The following USP17L22 variants were observed in gnomAD, a reference collection of about 807,000 sequenced individuals.
USP17L22 encodes ubiquitin specific peptidase 17 like family member 22, also known as ubiquitin carboxyl-terminal hydrolase 17-like protein 22.
For synonymous variants in USP17L22, 2 were observed against 19.3 expected (o/e 0.10, Z 2.35); for missense variants, 2 against 49.9 (o/e 0.04, Z 2.89).
In USP17L22 at chr4:9,268,644, A is replaced by G. The variant is rs1439866666; in HGVS notation, c.1026A>G (p.Gln342=). 217 of 490,772 alleles carry G rather than the reference A, an allele frequency of 4.4e-4. 28 individuals are homozygous for G. The African/African-American group carries it at 7.9e-3, about 18-fold the overall frequency. 30.4% of individuals were successfully genotyped at this position (490,772 alleles called of 1,614,324 possible). ...ATTACTTCTCTTATGTCAAAGCTCAAGAAGGCCAGTGGTATAAAATGGATG... is the reference window on the plus strand; with the variant it reads ...ATTACTTCTCTTATGTCAAAGCTCAGGAAGGCCAGTGGTATAAAATGGATG... ...NGHYFSYVKA[Q]EGQWYKMDDA... The change falls in exon 1 of 1, where the codon CAA becomes CAG. Residue 342 remains glutamine (Q), a synonymous_variant. Coordinates refer to ENST00000511280, the MANE Select transcript of USP17L22 (RefSeq NM_001256863.1).
In USP17L22 at chr4:9,268,842, C is replaced by G; in HGVS notation, c.1224C>G (p.Leu408=). 2 of 464,444 alleles carry G rather than the reference C, an allele frequency of 4.3e-6. No homozygotes were observed. The highest frequency in any genetic ancestry group is 4.7e-5 in the South Asian group (2 of 42,910). The allele number at this position is 464,444 out of a possible 1,614,324, so 28.8% of individuals were successfully genotyped here. A position where few individuals can be genotyped will look rare whatever the true frequency, so the allele number is the denominator to read the frequency against. Reference sequence around the variant, plus strand: ...ACAGGCGAGCAACGCAAGGAGAGCTCAAGAGAGACCACCCCTGCCTCCAGG... The same window carrying G: ...ACAGGCGAGCAACGCAAGGAGAGCTGAAGAGAGACCACCCCTGCCTCCAGG... ...DTDRRATQGE[L]KRDHPCLQAP... Residue 408 remains leucine (L), a synonymous_variant, in exon 1 of 1, where the codon CTC becomes CTG. Transcript: ENST00000511280.
chr4:9,268,638 AG>A lies in USP17L22; in HGVS notation c.1021del (p.Ala341LeufsTer23). ...ACGGACATTACTTCTCTTATGTCAAAGCTCAAGAAGGCCAGTGGTATAAAAT... is the reference window on the plus strand; with the variant it reads ...ACGGACATTACTTCTCTTATGTCAAACTCAAGAAGGCCAGTGGTATAAAAT... ...HNGHYFSYVK[A>X]QEGQWYKMDD... On this transcript the variant is annotated frameshift_variant, in exon 1 of 1. Coordinates refer to ENST00000511280, the MANE Select transcript of USP17L22 (RefSeq NM_001256863.1). LOFTEE classifies it low-confidence loss of function (END_TRUNC). 1 of 494,860 alleles carries A rather than the reference AG, an allele frequency of 2.0e-6. No individual in the cohort carries two copies. Among genetic ancestry groups the A allele is most frequent in the Non-Finnish European group, 3.4e-6 (1 of 290,948 alleles). The allele number at this position is 494,860 out of a possible 1,614,324, so 30.7% of individuals were successfully genotyped here. A position where few individuals can be genotyped will look rare whatever the true frequency, so the allele number is the denominator to read the frequency against.
In USP17L22 at chr4:9,268,631, A is replaced by T; in HGVS notation, c.1013A>T (p.Tyr338Phe). 1.9e-6 allele frequency: 1 copy of T among 531,384 alleles called. No homozygotes were observed. Among genetic ancestry groups the T allele is most frequent in the South Asian group, 2.2e-5 (1 of 44,708 alleles). The allele number at this position is 531,384 out of a possible 1,614,324, so 32.9% of individuals were successfully genotyped here. A position where few individuals can be genotyped will look rare whatever the true frequency, so the allele number is the denominator to read the frequency against. Residue 338 changes from tyrosine (Y) to phenylalanine (F), a missense_variant, in exon 1 of 1, where the codon TAT becomes TTT. Transcript: ENST00000511280. ...TGTCACAACGGACATTACTTCTCTT[A>T]TGTCAAAGCTCAAGAAGGCCAGTGG... ...WSCHNGHYFSYVKAQEGQWYK... is the reference protein window; with the variant it reads ...WSCHNGHYFSFVKAQEGQWYK...
chr4:9,268,640 C>T lies in USP17L22; in HGVS notation c.1022C>T (p.Ala341Val), dbSNP rs1560545097. ...HNGHYFSYVK[A>V]QEGQWYKMDD... ...GGACATTACTTCTCTTATGTCAAAG[C>T]TCAAGAAGGCCAGTGGTATAAAATG... Residue 341 changes from alanine to valine, a missense_variant, in exon 1 of 1, where the codon GCT becomes GTT. Ala to Val is a moderately conservative substitution (Grantham distance 64, BLOSUM62 0). Coordinates refer to ENST00000511280, the MANE Select transcript of USP17L22 (RefSeq NM_001256863.1). The T allele has an allele frequency of 2.0e-6, 1 of 493,530 alleles. No homozygotes were observed. The highest frequency in any genetic ancestry group is 4.3e-5 in the Admixed American group (1 of 23,166). 30.6% of individuals were successfully genotyped at this position (493,530 alleles called of 1,614,324 possible). A position where few individuals can be genotyped will look rare whatever the true frequency, so the allele number is the denominator to read the frequency against.
chr4:9,268,578 T>A lies in USP17L22; in HGVS notation c.960T>A (p.Tyr320Ter). The A allele has an allele frequency of 1.7e-6, 1 of 576,296 alleles. No individual in the cohort carries two copies. Among genetic ancestry groups the A allele is most frequent in the Non-Finnish European group, 3.0e-6 (1 of 334,422 alleles). The allele number at this position is 576,296 out of a possible 1,614,324, so 35.7% of individuals were successfully genotyped here. A position where few individuals can be genotyped will look rare whatever the true frequency, so the allele number is the denominator to read the frequency against. The change falls in exon 1 of 1, where the codon TAT becomes TAA. Residue 320 changes from tyrosine to a stop codon, truncating the protein, a stop_gained. Transcript: ENST00000511280. LOFTEE classifies it low-confidence loss of function (END_TRUNC). Reference protein sequence around the residue: ...QNTGPLVYVLYAVLVHAGWSC... With the variant: ...QNTGPLVYVL ...CAGGACCTCTCGTCTATGTCCTCTA[T>A]GCTGTGCTGGTCCACGCTGGGTGGA...
Sources: gnomAD v4.1 joint callset for allele counts on GRCh38, gnomAD v4.1.1 for gene constraint, MANE v1.5 for transcripts, NCBI Gene and HGNC (gene_info 2026-07-23, HGNC 2026-07-21) for gene names.